COQ2: variants seen among roughly 807,000 people sequenced by gnomAD.
COQ2 encodes 4-hydroxybenzoate polyprenyltransferase, mitochondrial.
In COQ2, 25 loss-of-function variants were observed where a neutral mutation model predicts 35.7. That is an observed-to-expected ratio of 0.70 (90% CI 0.51 to 0.98). The LOEUF (loss-of-function observed/expected upper bound fraction) is 0.98. Ranked by LOEUF, COQ2 falls within the 50% of genes least tolerant of loss-of-function variation. The pLI is 0.00. For missense variants in COQ2, 488 were observed against 473.5 expected (o/e 1.03, Z -0.28); for synonymous variants, 206 against 186.2 (o/e 1.11, Z -0.86).
At chr4:83,280,536 G>A (rs1300147385) in intron 1 of COQ2, among the ~76,000 whole-genome samples, 16 of 152,178 alleles carry the variant, frequency 1.1e-4, no homozygotes, top group Non-Finnish European at 1.9e-4. Flanking sequence ...AAGAGAAAGG[G>A]GGCTTCTGCC....
At position 83,284,650 on chromosome 4, in the gene COQ2, G is replaced by T. The variant is rs1735416849; in HGVS notation, c.115C>A (p.His39Asn). 8 of 1,466,018 alleles carry T rather than the reference G, an allele frequency of 5.5e-6. No individual in the cohort carries two copies. The highest frequency in any genetic ancestry group is 7.2e-6 in the Non-Finnish European group (8 of 1,113,770). The allele number at this position is 1,466,018 out of a possible 1,614,324, so 90.8% of individuals were successfully genotyped here. ...GCGGGGGGCTGCAAGTCACCACCGT[G>T]GGGCGCGCCTGCCGCACGCGCCAGG... The part of the protein sequence containing the change: ...FALARAAGAP[H>N]GGDLQPPACP... The change falls in exon 1 of 7, where the codon CAC (histidine) becomes AAC (asparagine). Residue 39 changes from histidine (H) to asparagine (N), a missense_variant. Transcript: ENST00000647002.
upstream of COQ2, chr4:83,284,812 A>C (rs1399982229): frequency 1.9e-6 from 3 of 1,567,650 alleles, no homozygotes; most frequent in Non-Finnish European, 2.6e-6. Context: ...ATTCCCCGGC[A>C]GGCATGCGCA....
Position 83,284,622 on chromosome 4 carries a change from C to T in COQ2, c.143G>A (p.Cys48Tyr). Residue 48 changes from cysteine to tyrosine, a missense_variant, in exon 1 of 7, where the codon TGT (cysteine) becomes TAT (tyrosine). Transcript: ENST00000647002. Reference protein sequence around the residue: ...PHGGDLQPPACPEPRGRQLSL... With the variant: ...PHGGDLQPPAYPEPRGRQLSL... ...GAGCTGGCGCCCGCGCGGCTCGGGACAGGCGGGGGGCTGCAAGTCACCACC... is the reference window on the plus strand; with the variant it reads ...GAGCTGGCGCCCGCGCGGCTCGGGATAGGCGGGGGGCTGCAAGTCACCACC... 1 of 1,523,200 alleles carries T rather than the reference C, an allele frequency of 6.6e-7. No homozygotes were observed. Among genetic ancestry groups the T allele is most frequent in the Admixed American group, 2.1e-5 (1 of 48,772 alleles). The allele number at this position is 1,523,200 out of a possible 1,614,324, so 94.4% of individuals were successfully genotyped here. A position where few individuals can be genotyped will look rare whatever the true frequency, so the allele number is the denominator to read the frequency against.
rs1129617 is a variant in COQ2, at chr4:83,267,697, G to A, written c.840C>T (p.Ser280=). The A allele has an allele frequency of 0.27, 417,982 of 1,554,922 alleles. 57,871 individuals are homozygous for A. Among genetic ancestry groups the A allele is most frequent in the Middle Eastern group, 0.3 (1,791 of 5,958 alleles). ...RFGENTKPWL[S]GFSVAMLGAL... The stretch of plus-strand genomic sequence containing the variant: ...CCCCCAGCATTGCAACACTGAAGCC[G>A]CTGAGCCACGGCTTGGTATTTTCTC... The change falls in exon 6 of 7, where the codon AGC becomes AGT. Residue 280 remains serine, a synonymous_variant. Transcript: ENST00000647002.
chr4:83,283,565 A>T, intron 1 of COQ2: 1 of 985,452 alleles, frequency 1.0e-6, no homozygotes, highest in East Asian at 1.1e-4. Context: ...ATCCACAGTA[A>T]TTTCTCTTTT....
chr4:83,267,467 G>A, intron 6 of COQ2, 119 bp downstream of exon 6: 1 of 860,530 alleles, frequency 1.2e-6, no homozygotes, highest in Non-Finnish European at 1.8e-6. Context: ...AAAGGTAGTA[G>A]AAGCCAAGTA....
At position 83,275,490 on chromosome 4, in the gene COQ2, G is replaced by A. The variant is rs191447746; in HGVS notation, c.421-1873C>T. On this transcript the variant is annotated intron_variant, in intron 2 of 6. Coordinates refer to ENST00000647002, the MANE Select transcript of COQ2 (RefSeq NM_001358921.2). ...CATTTCCAGATTTCTGGCTTCTTCA[G>A]TTCCAAGTCTGGGATATATGAAGAA... 1.3e-4 allele frequency among the ~76,000 whole-genome samples: 20 copies of A among 151,220 alleles called. No individual in the cohort carries two copies. The South Asian group carries it at 2.9e-3, about 22-fold the overall frequency.
intron 2 of COQ2, among the ~76,000 whole-genome samples, chr4:83,274,361 T>C (rs940749270): frequency 6.6e-6 from 1 of 152,076 alleles, no homozygotes; most frequent in African/African-American, 2.4e-5. Context: ...CCCTGGCTAA[T>C]TTTTTGTATT....
intron 5 of COQ2, among the ~76,000 whole-genome samples, chr4:83,268,406 AAAT>A (rs1734972740): frequency 6.6e-6 from 1 of 152,222 alleles, no homozygotes; most frequent in Non-Finnish European, 1.5e-5. Context: ...ATACTGTTGT[AAAT>A]AATGATGGTC....
rs1227334537 is a variant in COQ2, at chr4:83,279,066, G to A, written c.302C>T (p.Ala101Val). Residue 101 changes from alanine to valine, a missense_variant, in exon 2 of 7, where the codon GCT (alanine) becomes GTT (valine). Coordinates refer to ENST00000647002, the MANE Select transcript of COQ2 (RefSeq NM_001358921.2). ...CCAATCTGGAAAACAACCTGGTTCAGCTGCCAAACCAATGCTCCAGGTACA... is the reference window on the plus strand; with the variant it reads ...CCAATCTGGAAAACAACCTGGTTCAACTGCCAAACCAATGCTCCAGGTACA... Reference protein sequence around the residue: ...LPCTWSIGLAAEPGCFPDWYM... With the variant: ...LPCTWSIGLAVEPGCFPDWYM... The A allele has an allele frequency of 3.1e-6, 5 of 1,595,904 alleles. No individual in the cohort carries two copies. The highest frequency in any genetic ancestry group is 4.3e-6 in the Non-Finnish European group (5 of 1,170,922).
chr4:83,281,000 G>A (rs1475281423), intron 1 of COQ2, among the ~76,000 whole-genome samples: 3 of 152,056 alleles, frequency 2.0e-5, no homozygotes, highest in Admixed American at 6.5e-5. Context: ...CTCTCTTGCC[G>A]AGGCTGGAGT....
At chr4:83,274,434 A>G (rs150822316) in intron 2 of COQ2, among the ~76,000 whole-genome samples, 1 of 152,268 alleles carries the variant, frequency 6.6e-6, no homozygotes, top group Admixed American at 6.5e-5. Context: ...ACCTCAAGTG[A>G]TCCACCTGCC....
At chr4:83,268,883 TA>T (rs1265428782) in intron 5 of COQ2, among the ~76,000 whole-genome samples, 1 of 152,136 alleles carries the variant, frequency 6.6e-6, no homozygotes, top group Non-Finnish European at 1.5e-5. Flanking sequence ...TTCAGAAAAA[TA>T]CTGAGAAAAA....
intron 1 of COQ2, among the ~76,000 whole-genome samples, chr4:83,280,641 C>A (rs1210911899): frequency 6.6e-6 from 1 of 152,194 alleles, no homozygotes; most frequent in Non-Finnish European, 1.5e-5. Context: ...CAGGGTCCTG[C>A]AAAGGCATAA....
At chr4:83,282,604 T>C (rs1295514656) in intron 1 of COQ2, 3 of 854,820 alleles carry the variant, frequency 3.5e-6, no homozygotes, top group African/African-American at 3.6e-5. Context: ...ATTTTCTCCA[T>C]TCCCCACTTC....
rs1398588253 is a variant in COQ2 at position 83,278,948 on chromosome 4, C to T, written c.420G>A (p.Lys140=). ...NDMWDQDYDK[K]VTRTANRPIA... ...CTATTCCTTTTCAGGATGAAATTAC[C>T]TTTTTATCATAGTCCTGGTCCCACA... The change falls in exon 2 of 7, where the codon AAG becomes AAA. Residue 140 remains lysine (K), a splice_region_variant and synonymous_variant. Transcript: ENST00000647002. The T allele has an allele frequency of 3.2e-6, 5 of 1,573,306 alleles. No homozygotes were observed. The highest frequency in any genetic ancestry group is 4.3e-6 in the Non-Finnish European group (5 of 1,162,722).
At chr4:83,281,800 C>T (rs1437051017) in intron 1 of COQ2, among the ~76,000 whole-genome samples, 2 of 152,042 alleles carry the variant, frequency 1.3e-5, no homozygotes, top group Non-Finnish European at 2.9e-5. Flanking sequence ...AGTAATTGTG[C>T]CCAAGACCAC....
At chr4:83,273,986 A>G (rs1030734409) in intron 2 of COQ2, among the ~76,000 whole-genome samples, 1 of 146,488 alleles carries the variant, frequency 6.8e-6, no homozygotes, top group African/African-American at 2.6e-5. Flanking sequence ...TCTACAAAAA[A>G]AAAAAAAAAA....
chr4:83,270,570 G>A (rs1735025878), intron 4 of COQ2, among the ~76,000 whole-genome samples: 1 of 152,122 alleles, frequency 6.6e-6, no homozygotes, highest in African/African-American at 2.4e-5. Context: ...GGACTTCTCT[G>A]CCTGCAAGTT....
Sources: allele counts gnomAD v4.1 joint callset (sites outside exome capture counted in the v4.1 genomes callset), GRCh38; gene constraint gnomAD v4.1.1; transcripts MANE v1.5; gene names NCBI Gene and HGNC (gene_info 2026-07-23, HGNC 2026-07-21).